COL12A1: variants seen among roughly 807,000 people sequenced by gnomAD.
COL12A1 encodes collagen type XII alpha 1 chain.
A neutral mutation model predicts 349.7 loss-of-function variants in COL12A1; 114 were observed. The observed-to-expected ratio is 0.33, with a 90% CI of 0.28 to 0.38. The LOEUF (loss-of-function observed/expected upper bound fraction) is 0.38, where lower values mean the gene tolerates loss of function less well. Among genes scored for constraint, COL12A1 ranks in the 10% least tolerant of loss-of-function variants. The probability of loss-of-function intolerance (pLI) is 1.00; values close to 1 mark genes in which losing one functional copy is unlikely to be tolerated. For synonymous variants in COL12A1, 1,369 were observed against 1,329.0 expected (o/e 1.03, Z -0.66); for missense variants, 3,284 against 3,756.9 (o/e 0.87, Z 3.29).
intron 2 of COL12A1, among the ~76,000 whole-genome samples, chr6:75,201,927 C>T (rs1033451954): frequency 6.6e-6 from 1 of 152,186 alleles, no homozygotes. Flanking sequence ...TCCGACGCAC[C>T]CGGCTGTCCC....
intron 38 of COL12A1, among the ~76,000 whole-genome samples, chr6:75,127,060 C>T (rs185163414): frequency 5.0e-4 from 76 of 152,164 alleles, no homozygotes; most frequent in African/African-American, 1.8e-3. Flanking sequence ...CACAGCATTG[C>T]GCAAATAACG....
Position 75,130,147 on chromosome 6 carries a change from C to G in COL12A1, c.6154G>C (p.Val2052Leu), listed in dbSNP as rs1223424508. Residue 2052 changes from valine (V) to leucine (L), a missense_variant, in exon 37 of 66, where the codon GTT (valine) becomes CTT (leucine). Physicochemically the swap from Val to Leu is conservative, Grantham distance 32. Around this residue, in one of 2 missense-constraint regions of COL12A1, gnomAD observed 2,601 missense variants for 2,824.8 expected, o/e 0.92. Transcript: ENST00000322507. ...SVAWDHADGP[V>L]QQYRIIYSPT... ...GAATAGATGATCCTGTACTGCTGAA[C>G]TGGCCCATCAGCATGATCCCAGGCT... The G allele has an allele frequency of 1.2e-6, 2 of 1,613,978 alleles. No homozygotes were observed. The highest frequency in any genetic ancestry group is 1.7e-6 in the Non-Finnish European group (2 of 1,179,970).
chr6:75,134,497 G>A (rs1766482323), intron 32 of COL12A1, among the ~76,000 whole-genome samples: 1 of 151,962 alleles, frequency 6.6e-6, no homozygotes, highest in Admixed American at 6.6e-5. Context: ...CTTGAACCCG[G>A]GAGGCAGAGG....
At chr6:75,179,417 C>G (rs1344535463) in intron 11 of COL12A1, among the ~76,000 whole-genome samples, 1 of 151,914 alleles carries the variant, frequency 6.6e-6, no homozygotes, top group Non-Finnish European at 1.5e-5. Flanking sequence ...GGAAAAGCAT[C>G]AGAAACTCAG....
intron 21 of COL12A1, 56 bp from the exon 22 acceptor site, chr6:75,148,553 T>C (rs1767320444): frequency 6.8e-7 from 1 of 1,470,430 alleles, no homozygotes; most frequent in Non-Finnish European, 9.4e-7. Flanking sequence ...AAGGTGACAA[T>C]ATTTGAAATG....
In COL12A1 at chr6:75,113,751, G is replaced by A; in HGVS notation, c.7698-7C>T. ...TCCATTTGGGTGTAGGTCTCTGTTG[G>A]ATAAAACAAAAGAAAGAAAAAGGAG... On this transcript the variant is annotated splice_region_variant and splice_polypyrimidine_tract_variant and intron_variant, in intron 49 of 65. Transcript: ENST00000322507. The A allele has an allele frequency of 6.5e-7, 1 of 1,546,332 alleles. No individual in the cohort carries two copies.
At position 75,128,435 on chromosome 6, in the gene COL12A1, A is replaced by T. The variant is rs1175645715; in HGVS notation, c.6211-10T>A. The T allele has an allele frequency of 6.5e-7, 1 of 1,546,250 alleles. No homozygotes were observed. ...TGCCTGGGACTGTGGTCTATAGAGG[A>T]AGTTAAATTATAAATATATTACCAT... On this transcript the variant is annotated splice_polypyrimidine_tract_variant and intron_variant, in intron 37 of 65. Transcript: ENST00000322507.
chr6:75,137,254 T>C (rs560064539), intron 31 of COL12A1, among the ~76,000 whole-genome samples, 183 bp downstream of exon 31: 28 of 152,224 alleles, frequency 1.8e-4, no homozygotes, highest in African/African-American at 5.8e-4. Flanking sequence ...AGAACATCCA[T>C]TGAGTCTCCA....
intron 44 of COL12A1, among the ~76,000 whole-genome samples, chr6:75,120,912 C>A (rs2149368912): frequency 6.6e-6 from 1 of 152,256 alleles, no homozygotes; most frequent in African/African-American, 2.4e-5. Flanking sequence ...GTTCCACACA[C>A]CCACTCCAGT....
At position 75,095,118 on chromosome 6, in the gene COL12A1, T is replaced by C. The variant is rs185171880; in HGVS notation, c.8639A>G (p.His2880Arg). 3.0e-4 allele frequency: 479 copies of C among 1,614,166 alleles called. No individual in the cohort carries two copies. The highest frequency in any genetic ancestry group is 1.5e-3 in the Admixed American group (91 of 60,020). Residue 2880 changes from histidine to arginine, a missense_variant, in exon 60 of 66, where the codon CAT becomes CGT. Transcript: ENST00000322507. ...PSGKPGKPGD[H>R]GRPGPSGLKG... ...AAGCTGTCCGCTTACTGGTCTGCCA[T>C]GATCTCCAGGTTTTCCTGGCTTCCC...
chr6:75,157,921 A>G (rs1485403471), intron 14 of COL12A1, among the ~76,000 whole-genome samples: 1 of 152,180 alleles, frequency 6.6e-6, no homozygotes, highest in Non-Finnish European at 1.5e-5. Context: ...GATTGTCTCA[A>G]TAATGGGGCA....
chr6:75,198,699 A>G (rs1770361760), intron 2 of COL12A1, among the ~76,000 whole-genome samples: 2 of 152,180 alleles, frequency 1.3e-5, no homozygotes, highest in Admixed American at 1.3e-4. Flanking sequence ...GCCACTGCAG[A>G]GATGAATGAA....
At chr6:75,147,256 C>T (rs1241988308) in intron 23 of COL12A1, among the ~76,000 whole-genome samples, 2 of 152,218 alleles carry the variant, frequency 1.3e-5, no homozygotes, top group African/African-American at 4.8e-5. Flanking sequence ...CACATGGTAT[C>T]CTTCCTCATA....
At chr6:75,166,587 T>A (rs1768322520) in intron 13 of COL12A1, among the ~76,000 whole-genome samples, 1 of 152,182 alleles carries the variant, frequency 6.6e-6, no homozygotes, top group Non-Finnish European at 1.5e-5. Flanking sequence ...ATATTTTAAA[T>A]GTAAGATAAA....
At chr6:75,156,206 T>G in intron 15 of COL12A1, 51 bp downstream of exon 15, 1 of 1,595,558 alleles carries the variant, frequency 6.3e-7, no homozygotes, top group Middle Eastern at 1.7e-4. Context: ...CAAAGTCATC[T>G]TTTAAAACAT....
Position 75,121,331 on chromosome 6 carries a change from A to G in COL12A1, c.7057T>C (p.Phe2353Leu), listed in dbSNP as rs893801814. 1 of 1,610,438 alleles carries G rather than the reference A, an allele frequency of 6.2e-7. No individual in the cohort carries two copies. The highest frequency in any genetic ancestry group is 8.5e-7 in the Non-Finnish European group (1 of 1,177,574). The change falls in exon 44 of 66, where the codon TTT (phenylalanine) becomes CTT (leucine). Residue 2353 changes from phenylalanine (F) to leucine (L), a missense_variant. Phe to Leu is a conservative substitution (Grantham distance 22). Coordinates refer to ENST00000322507, the MANE Select transcript of COL12A1 (RefSeq NM_004370.6). Reference protein sequence around the residue: ...VKFIFNTVGGFDEISPAGIQV... With the variant: ...VKFIFNTVGGLDEISPAGIQV... ...ATCCCAGCAGGACTGATTTCATCAAAGCCTCCCACAGTATTGAAGATGAAT... is the reference window on the plus strand; with the variant it reads ...ATCCCAGCAGGACTGATTTCATCAAGGCCTCCCACAGTATTGAAGATGAAT...
intron 58 of COL12A1, among the ~76,000 whole-genome samples, chr6:75,100,212 T>C (rs1768244359): frequency 6.6e-6 from 1 of 152,186 alleles, no homozygotes; most frequent in Non-Finnish European, 1.5e-5. Flanking sequence ...TTTTCAGGGA[T>C]GCAATTATGC....
Position 75,155,847 on chromosome 6 carries a change from C to T in COL12A1, c.3258G>A (p.Arg1086=), listed in dbSNP as rs547855784. 7 of 1,595,374 alleles carry T rather than the reference C, an allele frequency of 4.4e-6. No homozygotes were observed. The highest frequency in any genetic ancestry group is 1.1e-5 in the South Asian group (1 of 87,632). ...TTTTGAGGTTTCTAGGAGACTTAAACCGAGAAGCTGTAAAGACAAAAAGAT... is the reference window on the plus strand; with the variant it reads ...TTTTGAGGTTTCTAGGAGACTTAAATCGAGAAGCTGTAAAGACAAAAAGAT... ...LRQGSGTTAS[R]FKSPRNLKTS... is the part of the protein sequence containing the mutation. Residue 1086 remains arginine (R), a synonymous_variant, in exon 16 of 66, where the codon CGG becomes CGA. Coordinates refer to ENST00000322507, the MANE Select transcript of COL12A1 (RefSeq NM_004370.6).
intron 52 of COL12A1, 88 bp from the exon 53 acceptor site, chr6:75,106,584 C>T (rs1768556269): frequency 9.3e-7 from 1 of 1,080,570 alleles, no homozygotes; most frequent in African/African-American, 1.6e-5. Flanking sequence ...GCCAACTTCT[C>T]ACACATACTC....
Sources: gnomAD v4.1 joint callset for allele counts (sites outside exome capture counted in the v4.1 genomes callset) on GRCh38, gnomAD v4.1.1 for gene constraint, gnomAD v4.1.1 regional missense constraint, MANE v1.5 for transcripts, NCBI Gene and HGNC (gene_info 2026-07-23, HGNC 2026-07-21) for gene names.